ERBB4: variants seen among roughly 807,000 people sequenced by gnomAD.
ERBB4 encodes erb-b2 receptor tyrosine kinase 4.
ERBB4 carries 42 observed loss-of-function variants against 158.0 expected under a neutral mutation model. The observed-to-expected ratio is 0.27, with a 90% CI of 0.21 to 0.34. ERBB4 has a LOEUF of 0.34. ERBB4 is among the 10% of genes least tolerant of loss of function. The pLI is 1.00. For missense variants in ERBB4, 1,333 were observed against 1,624.1 expected (o/e 0.82, Z 3.08); for synonymous variants, 583 against 558.7 (o/e 1.04, Z -0.61).
At chr2:211,857,400 C>T (rs1450015795) in intron 3 of ERBB4, among the ~76,000 whole-genome samples, 1 of 152,028 alleles carries the variant, frequency 6.6e-6, no homozygotes, top group East Asian at 1.9e-4. Flanking sequence ...CCTAAAAGTC[C>T]CTTCACCCTA....
chr2:211,391,275 A>T (rs1012794151), intron 25 of ERBB4, among the ~76,000 whole-genome samples: 3 of 152,192 alleles, frequency 2.0e-5, no homozygotes, highest in Non-Finnish European at 4.4e-5. Context: ...TTGAGTAAAA[A>T]TTAAGATCCT....
chr2:212,045,951 A>G (rs1416047874), intron 2 of ERBB4, among the ~76,000 whole-genome samples: 4 of 152,342 alleles, frequency 2.6e-5, no homozygotes, highest in South Asian at 2.1e-4. Flanking sequence ...CCTACTTTGT[A>G]TCACCAATAT....
At chr2:212,048,589 G>A (rs534479941) in intron 2 of ERBB4, among the ~76,000 whole-genome samples, 3 of 152,202 alleles carry the variant, frequency 2.0e-5, no homozygotes, top group Admixed American at 1.3e-4. Context: ...CAGTGCCACA[G>A]TTTGAAATGG....
chr2:211,954,393 T>C (rs1374690653), intron 2 of ERBB4, among the ~76,000 whole-genome samples: 2 of 152,088 alleles, frequency 1.3e-5, no homozygotes, highest in African/African-American at 4.8e-5. Context: ...TTATTTTTCT[T>C]TAAAATTAGC....
rs576785977 is a variant in ERBB4 at position 212,126,919 on chromosome 2, AATCCAAAAATCTTG to A, written c.83-2030_83-2017del. Among the ~76,000 whole-genome samples, 171 of 152,302 alleles carry A rather than the reference AATCCAAAAATCTTG, an allele frequency of 1.1e-3. 2 individuals are homozygous for A. Among genetic ancestry groups the A allele is most frequent in the Admixed American group, 8.3e-3 (127 of 15,302 alleles). ...ACACATCGAAAATAACAAAAATCTT[AATCCAAAAATCTTG>A]AAAAATAGTGTATGTTTGTAACCAT... On this transcript the variant is annotated intron_variant, in intron 1 of 27. Transcript: ENST00000342788.
At chr2:211,961,062 A>C (rs79342145) in intron 2 of ERBB4, among the ~76,000 whole-genome samples, 4,408 of 152,178 alleles carry the variant, frequency 0.029, 97 homozygotes, top group South Asian at 0.055. Flanking sequence ...TTCCCTAAAA[A>C]TAATATTTAT....
intron 19 of ERBB4, among the ~76,000 whole-genome samples, chr2:211,608,210 T>C (rs368509817): frequency 2.6e-5 from 4 of 152,118 alleles, no homozygotes; most frequent in East Asian, 3.9e-4. Flanking sequence ...ACAGTAAGAA[T>C]ACCTCTTGAA....
Position 211,750,541 on chromosome 2 carries a change from T to C in ERBB4, c.622+98A>G, listed in dbSNP as rs541448275. ...AAATCAACCACAAGGAGGTGATAGCTCATTTCATGTTTTAGATGACCAGAG... is the reference window on the plus strand; with the variant it reads ...AAATCAACCACAAGGAGGTGATAGCCCATTTCATGTTTTAGATGACCAGAG... On this transcript the variant is annotated intron_variant, in intron 5 of 27. Transcript: ENST00000342788. 2.9e-6 allele frequency: 3 copies of C among 1,020,754 alleles called. No homozygotes were observed. In the East Asian group the frequency reaches 7.1e-5, roughly 24 times the overall value. The allele number at this position is 1,020,754 out of a possible 1,614,324, so 63.2% of individuals were successfully genotyped here.
In ERBB4 at chr2:211,834,448, G is replaced by A. The variant is rs527798198; in HGVS notation, c.422-46289C>T. ...GATAGCTTGAACTGTAAGATCTTTC[G>A]TGTAAATTTTTGTTTTATCAACAAG... On this transcript the variant is annotated intron_variant, in intron 3 of 27. Coordinates refer to ENST00000342788, the MANE Select transcript of ERBB4 (RefSeq NM_005235.3). 1.5e-4 allele frequency among the ~76,000 whole-genome samples: 22 copies of A among 151,282 alleles called. 2 individuals carry two copies. The highest frequency in any genetic ancestry group is 8.4e-4 in the South Asian group (4 of 4,744).
intron 1 of ERBB4, among the ~76,000 whole-genome samples, chr2:212,429,670 A>G (rs936526531): frequency 2.6e-5 from 4 of 152,160 alleles, no homozygotes; most frequent in African/African-American, 9.7e-5. Context: ...AAACTGAGGC[A>G]CAGAGAGGTA....
At chr2:211,707,579 T>C (rs1389767203) in intron 9 of ERBB4, among the ~76,000 whole-genome samples, 3 of 152,208 alleles carry the variant, frequency 2.0e-5, no homozygotes, top group African/African-American at 7.2e-5. Flanking sequence ...CAGTGTCTCA[T>C]TGTGACACAA....
chr2:211,746,705 C>T (rs577748110), intron 5 of ERBB4, among the ~76,000 whole-genome samples: 6 of 151,926 alleles, frequency 3.9e-5, no homozygotes, highest in Non-Finnish European at 8.8e-5. Flanking sequence ...TGGCACATGA[C>T]TGTAATCCCA....
intron 1 of ERBB4, among the ~76,000 whole-genome samples, chr2:212,298,642 T>C (rs186805543): frequency 9.2e-5 from 14 of 151,752 alleles, no homozygotes; most frequent in Non-Finnish European, 1.5e-5. Context: ...ATCTTTAATC[T>C]TTCTCATTAT....
chr2:212,454,003 C>T lies in ERBB4; in HGVS notation c.82+84446G>A, dbSNP rs900834643. Reference sequence around the variant, plus strand: ...TTGCCCAAGCTGGAATGCAGTGGTGCGATCTCAGCTCACTGCAACCTTCAC... The same window carrying T: ...TTGCCCAAGCTGGAATGCAGTGGTGTGATCTCAGCTCACTGCAACCTTCAC... On this transcript the variant is annotated intron_variant, in intron 1 of 27. Coordinates refer to ENST00000342788, the MANE Select transcript of ERBB4 (RefSeq NM_005235.3). 9.3e-5 allele frequency among the ~76,000 whole-genome samples: 14 copies of T among 151,176 alleles called. 1 individual carries two copies. The highest frequency in any genetic ancestry group is 1.7e-4 in the African/African-American group (7 of 41,058).
At chr2:211,836,398 G>A (rs915030450) in intron 3 of ERBB4, among the ~76,000 whole-genome samples, 1 of 152,098 alleles carries the variant, frequency 6.6e-6, no homozygotes, top group Non-Finnish European at 1.5e-5. Flanking sequence ...GGGTTACACA[G>A]AGAGCATTCT....
In ERBB4 at chr2:212,088,456, T is replaced by C. The variant is rs369120501; in HGVS notation, c.234+36296A>G. On this transcript the variant is annotated intron_variant, in intron 2 of 27. Coordinates refer to ENST00000342788, the MANE Select transcript of ERBB4 (RefSeq NM_005235.3). Reference sequence around the variant, plus strand: ...GACAGGTACTAACCATAACAAGAATTCTCATAACCACACAAAATCACTAAA... The same window carrying C: ...GACAGGTACTAACCATAACAAGAATCCTCATAACCACACAAAATCACTAAA... Among the ~76,000 whole-genome samples, 62 of 152,256 alleles carry C rather than the reference T, an allele frequency of 4.1e-4. 1 individual carries two copies. In the East Asian group the frequency reaches 0.011, roughly 27 times the overall value.
intron 1 of ERBB4, among the ~76,000 whole-genome samples, chr2:212,198,176 ATGTT>A (rs2082486681): frequency 6.6e-6 from 1 of 152,178 alleles, no homozygotes; most frequent in Non-Finnish European, 1.5e-5. Context: ...CTTTTGAAAA[ATGTT>A]TGATTTTAGC....
intron 2 of ERBB4, among the ~76,000 whole-genome samples, chr2:212,024,294 T>G (rs906791466): frequency 6.6e-6 from 1 of 151,934 alleles, no homozygotes; most frequent in Non-Finnish European, 1.5e-5. Flanking sequence ...CAAAATAGAT[T>G]GTGGTTCTTC....
chr2:211,572,025 T>C (rs575721689), intron 19 of ERBB4, among the ~76,000 whole-genome samples: 1 of 152,342 alleles, frequency 6.6e-6, no homozygotes, highest in Admixed American at 6.5e-5. Context: ...ATTTTTTCCA[T>C]TCCACTTTGT....
Sources: allele counts gnomAD v4.1 joint callset (sites outside exome capture counted in the v4.1 genomes callset), GRCh38; gene constraint gnomAD v4.1.1; transcripts MANE v1.5; gene names NCBI Gene and HGNC (gene_info 2026-07-23, HGNC 2026-07-21).